CNGB3: variants seen among roughly 807,000 people sequenced by gnomAD.
CNGB3 encodes the protein cyclic nucleotide gated channel subunit beta 3, also known as cyclic nucleotide-gated channel beta-3.
In CNGB3, 86 loss-of-function variants were observed where a neutral mutation model predicts 92.8. The ratio of observed to expected loss-of-function variants is 0.93; its 90% CI spans 0.78 to 1.11. The LOEUF (loss-of-function observed/expected upper bound fraction) is 1.11. CNGB3 is among the 50% of genes least tolerant of loss of function. The pLI, the probability that CNGB3 is intolerant of heterozygous loss-of-function variation, is 0.00. For synonymous variants in CNGB3, 333 were observed against 332.7 expected, an observed-to-expected ratio of 1.00 and a Z score of -0.01; for missense variants, 1,026 against 956.8, an observed-to-expected ratio of 1.07 and a Z score of -0.95.
At chr8:86,623,181 T>C (rs1443083489) in intron 13 of CNGB3, among the ~76,000 whole-genome samples, 2 of 152,178 alleles carry the variant, frequency 1.3e-5, no homozygotes, top group African/African-American at 4.8e-5. Context: ...ACCAATATGC[T>C]GACAGGTCCA....
intron 16 of CNGB3, 113 bp downstream of exon 16, chr8:86,578,993 G>C: frequency 2.6e-6 from 4 of 1,536,752 alleles, no homozygotes; most frequent in Non-Finnish European, 3.6e-6. Flanking sequence ...TGTTCATTAA[G>C]CATATCTCAC....
rs552550660 is a variant in CNGB3, at chr8:86,658,991, T to C, written c.853-4929A>G. 2.5e-5 allele frequency: 27 copies of C among 1,061,210 alleles called. No individual in the cohort carries two copies. In the African/African-American group the frequency reaches 2.6e-4, roughly 10 times the overall value. 65.7% of individuals were successfully genotyped at this position (1,061,210 alleles called of 1,614,324 possible). A position where few individuals can be genotyped will look rare whatever the true frequency, so the allele number is the denominator to read the frequency against. ...CTTGCACCTGGGCTTGGAGCTGTCC[T>C]GCCAGACCCTCCAGCTCCTTCCGCA... On this transcript the variant is annotated intron_variant, in intron 6 of 17. Coordinates refer to ENST00000320005, the MANE Select transcript of CNGB3 (RefSeq NM_019098.5).
At chr8:86,667,189 T>C in intron 5 of CNGB3, 56 bp from the exon 6 acceptor site, 3 of 1,498,224 alleles carry the variant, frequency 2.0e-6, no homozygotes, top group South Asian at 2.3e-5. Context: ...ACAGAAAGAA[T>C]TCTGTTGCTT....
intron 6 of CNGB3, among the ~76,000 whole-genome samples, chr8:86,656,695 T>A (rs956553975): frequency 6.6e-6 from 1 of 152,200 alleles, no homozygotes; most frequent in Admixed American, 6.5e-5. Flanking sequence ...GTATATTTAC[T>A]TAGTATTTAC....
At position 86,575,719 on chromosome 8, in the gene CNGB3, C is replaced by G; in HGVS notation, c.*85G>C. 8.0e-7 allele frequency: 1 copy of G among 1,254,086 alleles called. No homozygotes were observed. Among genetic ancestry groups the G allele is most frequent in the Non-Finnish European group, 1.1e-6 (1 of 874,434 alleles). The allele number at this position is 1,254,086 out of a possible 1,614,324, so 77.7% of individuals were successfully genotyped here. A position where few individuals can be genotyped will look rare whatever the true frequency, so the allele number is the denominator to read the frequency against. The stretch of plus-strand genomic sequence containing the variant: ...TCGTTTCTCAAGGGTCCCAGCATGT[C>G]GTTTCCCCTCGTTAATTTAAGTTAC... On this transcript the variant is annotated 3_prime_UTR_variant, in exon 18 of 18. Transcript: ENST00000320005.
At chr8:86,610,305 G>T (rs541091564) in intron 14 of CNGB3, among the ~76,000 whole-genome samples, 62 of 152,200 alleles carry the variant, frequency 4.1e-4, no homozygotes, top group Admixed American at 7.9e-4. Context: ...ATCATATTGA[G>T]AAATATTTAC....
chr8:86,579,857 C>T (rs1247154707), intron 15 of CNGB3, among the ~76,000 whole-genome samples: 1 of 152,112 alleles, frequency 6.6e-6, no homozygotes, highest in Non-Finnish European at 1.5e-5. Context: ...GTAAACATAC[C>T]CTCTTCTTTT....
rs1821643586 is a variant in CNGB3 at position 86,575,716 on chromosome 8, T to C, written c.*88A>G. 8 of 1,218,450 alleles carry C rather than the reference T, an allele frequency of 6.6e-6. No individual in the cohort carries two copies. The highest frequency in any genetic ancestry group is 1.3e-5 in the South Asian group (1 of 75,536). The allele number at this position is 1,218,450 out of a possible 1,614,324, so 75.5% of individuals were successfully genotyped here. On this transcript the variant is annotated 3_prime_UTR_variant, in exon 18 of 18. Coordinates refer to ENST00000320005, the MANE Select transcript of CNGB3 (RefSeq NM_019098.5). ...CTTTCGTTTCTCAAGGGTCCCAGCATGTCGTTTCCCCTCGTTAATTTAAGT... is the reference window on the plus strand; with the variant it reads ...CTTTCGTTTCTCAAGGGTCCCAGCACGTCGTTTCCCCTCGTTAATTTAAGT...
intron 15 of CNGB3, among the ~76,000 whole-genome samples, chr8:86,600,053 A>T (rs1435430990): frequency 6.6e-6 from 1 of 151,968 alleles, no homozygotes; most frequent in Non-Finnish European, 1.5e-5. Context: ...TCTCTCTTGT[A>T]CTCTGTTCCT....
intron 15 of CNGB3, among the ~76,000 whole-genome samples, chr8:86,593,134 G>A (rs1264918088): frequency 2.0e-5 from 3 of 152,168 alleles, no homozygotes; most frequent in African/African-American, 7.2e-5. Flanking sequence ...AAATTAGAGA[G>A]TTTAGATATT....
In CNGB3 at chr8:86,576,075, T is replaced by TGTTTATCTTCATTTTCTTTTC; in HGVS notation, c.2138_2158dup (p.Lys719_Gln720insArgLysGluAsnGluAspLys). 6.2e-7 allele frequency: 1 copy of TGTTTATCTTCATTTTCTTTTC among 1,602,132 alleles called. No homozygotes were observed. The highest frequency in any genetic ancestry group is 1.1e-5 in the South Asian group (1 of 88,796). The stretch of plus-strand genomic sequence containing the variant: ...TTTTTGTTTATCTTCATTTTCTTTT[T>TGTTTATCTTCATTTTCTTTTC]GTTTATCTTCATTTTCTTTTCCTTC... On this transcript the variant is annotated inframe_insertion, in exon 18 of 18. Coordinates refer to ENST00000320005, the MANE Select transcript of CNGB3 (RefSeq NM_019098.5).
At chr8:86,661,966 C>A in intron 6 of CNGB3, 1 of 554,060 alleles carries the variant, frequency 1.8e-6, no homozygotes, top group Non-Finnish European at 3.3e-6. Flanking sequence ...ATGGAACAGT[C>A]CTGGCCTCCG....
At chr8:86,607,873 A>G (rs528838945) in intron 14 of CNGB3, among the ~76,000 whole-genome samples, 1 of 152,274 alleles carries the variant, frequency 6.6e-6, no homozygotes, top group South Asian at 2.1e-4. Context: ...CTTGCCTTCA[A>G]TATTTTGTGA....
Position 86,647,877 on chromosome 8 carries a change from G to A in CNGB3, c.914C>T (p.Ala305Val), listed in dbSNP as rs1028568050. ...RTSTKFQLDV[A>V]SIIPFDICYL... ...GCAAATATCAAATGGTATTATTGATGCGACATCCAACTGTTGAAAGAACAC... is the reference window on the plus strand; with the variant it reads ...GCAAATATCAAATGGTATTATTGATACGACATCCAACTGTTGAAAGAACAC... The change falls in exon 8 of 18, where the codon GCA (alanine) becomes GTA (valine). Residue 305 changes from alanine (A) to valine (V), a missense_variant. Coordinates refer to ENST00000320005, the MANE Select transcript of CNGB3 (RefSeq NM_019098.5). The A allele has an allele frequency of 1.3e-6, 2 of 1,587,756 alleles. No homozygotes were observed. Among genetic ancestry groups the A allele is most frequent in the Non-Finnish European group, 1.7e-6 (2 of 1,157,070 alleles).
intron 15 of CNGB3, among the ~76,000 whole-genome samples, chr8:86,580,548 T>C (rs539094121): frequency 2.6e-5 from 4 of 152,298 alleles, no homozygotes; most frequent in South Asian, 2.1e-4. Context: ...AGCTGCTCTA[T>C]AATATAGTCA....
At chr8:86,734,954 C>G (rs747035824) in intron 2 of CNGB3, among the ~76,000 whole-genome samples, 1 of 149,176 alleles carries the variant, frequency 6.7e-6, no homozygotes, top group Non-Finnish European at 1.5e-5. Flanking sequence ...AAATGACACT[C>G]AAAGATGTTA....
chr8:86,644,020 T>C, intron 9 of CNGB3, 147 bp from the exon 10 acceptor site: 1 of 724,752 alleles, frequency 1.4e-6, no homozygotes, highest in Non-Finnish European at 2.3e-6. Flanking sequence ...TACAAAGTGA[T>C]GGTGCCATTG....
chr8:86,679,221 A>G (rs533706503), intron 3 of CNGB3, among the ~76,000 whole-genome samples: 1 of 152,254 alleles, frequency 6.6e-6, no homozygotes, highest in South Asian at 2.1e-4. Context: ...TTTTTAGTTA[A>G]CATTCCTCTC....
intron 3 of CNGB3, among the ~76,000 whole-genome samples, chr8:86,686,884 G>A (rs1004911031): frequency 6.6e-6 from 1 of 151,992 alleles, no homozygotes; most frequent in Admixed American, 6.6e-5. Context: ...TTCAAGTTTT[G>A]TAGTGCCAGG....
Sources: allele counts gnomAD v4.1 joint callset (sites outside exome capture counted in the v4.1 genomes callset), GRCh38; gene constraint gnomAD v4.1.1; transcripts MANE v1.5; gene names NCBI Gene and HGNC (gene_info 2026-07-23, HGNC 2026-07-21).